The following PCDHA13 variants were observed in gnomAD, a reference collection of about 807,000 sequenced individuals.
PCDHA13 encodes the protein protocadherin alpha 13.
In PCDHA13, 54 loss-of-function variants were observed where a neutral mutation model predicts 64.8. The ratio of observed to expected loss-of-function variants is 0.83; its 90% CI spans 0.67 to 1.04. The LOEUF (loss-of-function observed/expected upper bound fraction) is 1.04, where lower values mean the gene tolerates loss of function less well. Among genes scored for constraint, PCDHA13 ranks in the 50% least tolerant of loss-of-function variants. The pLI, the probability that PCDHA13 is intolerant of heterozygous loss-of-function variation, is 0.00. For synonymous variants in PCDHA13, 587 were observed against 564.4 expected, an observed-to-expected ratio of 1.04 and a Z score of -0.57; for missense variants, 1,248 against 1,254.3, an observed-to-expected ratio of 0.99 and a Z score of 0.08.
intron 1 of PCDHA13, among the ~76,000 whole-genome samples, chr5:140,938,922 T>G (rs2092267013): frequency 6.6e-6 from 1 of 151,926 alleles, no homozygotes; most frequent in Non-Finnish European, 1.5e-5. Flanking sequence ...CACAAGAAAT[T>G]GGCTTTTAAC....
At chr5:140,911,716 T>A (rs2075609522) in intron 1 of PCDHA13, among the ~76,000 whole-genome samples, 1 of 151,644 alleles carries the variant, frequency 6.6e-6, no homozygotes, top group Non-Finnish European at 1.5e-5. Context: ...TTTGTGTAAC[T>A]CTGTAAACAG....
At chr5:140,930,527 A>C (rs73793525) in intron 1 of PCDHA13, 8,511 of 152,566 alleles carry the variant, frequency 0.056, 704 homozygotes, top group African/African-American at 0.18. Context: ...CTGGCCCTCA[A>C]ACTTCTTGAG....
chr5:140,984,599 C>T (rs1415361733), intron 3 of PCDHA13, among the ~76,000 whole-genome samples: 1 of 152,162 alleles, frequency 6.6e-6, no homozygotes, highest in Non-Finnish European at 1.5e-5. Context: ...TCAATACATA[C>T]CTCTGCATCA....
chr5:140,961,028 C>T (rs889602727), intron 1 of PCDHA13, among the ~76,000 whole-genome samples: 2 of 152,146 alleles, frequency 1.3e-5, no homozygotes, highest in African/African-American at 4.8e-5. Context: ...TTGCTACCTC[C>T]TTGTTTTGAG....
At chr5:141,005,228 C>G (rs974482410) in intron 3 of PCDHA13, among the ~76,000 whole-genome samples, 11 of 152,182 alleles carry the variant, frequency 7.2e-5, no homozygotes, top group Admixed American at 2.0e-4. Flanking sequence ...TACTAAACAC[C>G]TGTTATGGGC....
intron 1 of PCDHA13, among the ~76,000 whole-genome samples, chr5:140,971,214 C>T (rs1285730991): frequency 6.6e-6 from 1 of 152,172 alleles, no homozygotes; most frequent in African/African-American, 2.4e-5. Flanking sequence ...GTTACCCTCC[C>T]TCTCCTGACT....
At chr5:140,996,296 T>C (rs1252218880) in intron 3 of PCDHA13, among the ~76,000 whole-genome samples, 1 of 152,158 alleles carries the variant, frequency 6.6e-6, no homozygotes, top group African/African-American at 2.4e-5. Context: ...GAAGCACAGA[T>C]TGTAACAAAG....
At chr5:140,969,004 T>C (rs1554231338) in intron 1 of PCDHA13, 2 of 1,614,060 alleles carry the variant, frequency 1.2e-6, no homozygotes, top group East Asian at 2.2e-5. Flanking sequence ...GAGGCTTCTG[T>C]GGAGTAAGGG....
At chr5:140,893,434 C>G (rs1554185617) in intron 1 of PCDHA13, among the ~76,000 whole-genome samples, 1 of 152,042 alleles carries the variant, frequency 6.6e-6, no homozygotes, top group African/African-American at 2.4e-5. Context: ...AGGAAGATCG[C>G]TTGAAGCCAG....
chr5:140,997,921 G>T lies in PCDHA13; in HGVS notation c.2543-11706G>T, dbSNP rs553205382. On this transcript the variant is annotated intron_variant, in intron 3 of 3. Coordinates refer to ENST00000289272, the MANE Select transcript of PCDHA13 (RefSeq NM_018904.3). ...CAAGAAGTAGAATTACAGAATCATA[G>T]GATATAAAAATATCAAATTGGCAAA... is the stretch of plus-strand genomic sequence containing the variant. Among the ~76,000 whole-genome samples the T allele has an allele frequency of 1.1e-4, 16 of 152,200 alleles. No homozygotes were observed. The South Asian group carries it at 3.3e-3, about 32-fold the overall frequency.
chr5:140,988,025 G>A (rs1305100946), intron 3 of PCDHA13, among the ~76,000 whole-genome samples: 1 of 152,136 alleles, frequency 6.6e-6, no homozygotes, highest in African/African-American at 2.4e-5. Context: ...TGATTCTTAA[G>A]TTTTTTAGAA....
intron 1 of PCDHA13, among the ~76,000 whole-genome samples, chr5:140,899,276 A>G (rs1402457704): frequency 2.8e-4 from 42 of 152,318 alleles, no homozygotes; most frequent in African/African-American, 9.4e-4. Flanking sequence ...GGCAGTTTTC[A>G]AAGGGAATAC....
rs573174481 is a variant in PCDHA13 at position 140,990,482 on chromosome 5, T to C, written c.2542+7919T>C. Among the ~76,000 whole-genome samples, 3 of 152,318 alleles carry C rather than the reference T, an allele frequency of 2.0e-5. No homozygotes were observed. In the South Asian group the frequency reaches 6.2e-4, roughly 32 times the overall value. On this transcript the variant is annotated intron_variant, in intron 3 of 3. Transcript: ENST00000289272. ...AGGTGGTATCATGTATCAAGCTGAA[T>C]AGTGAGGTGACATTCCCCAAGTCTT... is the stretch of plus-strand genomic sequence containing the variant.
chr5:140,991,149 C>T (rs2097435018), intron 3 of PCDHA13, among the ~76,000 whole-genome samples: 1 of 152,092 alleles, frequency 6.6e-6, no homozygotes, highest in South Asian at 2.1e-4. Flanking sequence ...GTTTTTTGCT[C>T]ACCATTGTAT....
intron 3 of PCDHA13, among the ~76,000 whole-genome samples, chr5:140,984,162 C>A (rs2097089666): frequency 6.6e-6 from 1 of 152,150 alleles, no homozygotes; most frequent in Non-Finnish European, 1.5e-5. Context: ...GAGAACTTCC[C>A]AAAGAAGCCA....
intron 2 of PCDHA13, among the ~76,000 whole-genome samples, chr5:140,979,611 C>T (rs549836811): frequency 5.9e-5 from 9 of 152,266 alleles, no homozygotes; most frequent in South Asian, 2.1e-4. Flanking sequence ...CCTAGAGTAA[C>T]GGTATTAGTC....
At chr5:140,970,366 A>G (rs1438755786) in intron 1 of PCDHA13, among the ~76,000 whole-genome samples, 2 of 152,196 alleles carry the variant, frequency 1.3e-5, no homozygotes, top group Admixed American at 1.3e-4. Context: ...TTGATTTGCT[A>G]TAGCTTCAAA....
At chr5:140,968,355 G>A in intron 1 of PCDHA13, 1 of 1,614,080 alleles carries the variant, frequency 6.2e-7, no homozygotes, top group South Asian at 1.1e-5. Context: ...GCCAGTGGCA[G>A]CCTTTATGCT....
intron 1 of PCDHA13, among the ~76,000 whole-genome samples, chr5:140,886,827 GAAAAAAAAAA>G (rs782016620): frequency 1.6e-5 from 1 of 60,890 alleles, no homozygotes; most frequent in East Asian, 5.7e-4. Flanking sequence ...ACTTCGTCTT[GAAAAAAAAAA>G]AAAAAAAAAA....
Sources: allele counts gnomAD v4.1 joint callset (sites outside exome capture counted in the v4.1 genomes callset), GRCh38; gene constraint gnomAD v4.1.1; transcripts MANE v1.5; gene names NCBI Gene and HGNC (gene_info 2026-07-23, HGNC 2026-07-21).